The following NINJ2 variants were observed in gnomAD, a reference collection of about 807,000 sequenced individuals.
NINJ2 encodes ninjurin-2.
In NINJ2, 12 loss-of-function variants were observed where a neutral mutation model predicts 11.7. That is an observed-to-expected ratio of 1.02 (90% CI 0.66 to 1.66). The LOEUF (loss-of-function observed/expected upper bound fraction) is 1.66, where lower values mean the gene tolerates loss of function less well. NINJ2 is among the 40% of genes most tolerant of loss of function. NINJ2 has a pLI of 0.00. For synonymous variants in NINJ2, 93 were observed against 76.8 expected (o/e 1.21, Z -1.10); for missense variants, 187 against 181.8 (o/e 1.03, Z -0.16).
intron 1 of NINJ2, among the ~76,000 whole-genome samples, chr12:587,832 A>T (rs908670688): frequency 2.0e-5 from 3 of 152,154 alleles, no homozygotes; most frequent in Non-Finnish European, 4.4e-5. Context: ...TCTTCCTTCC[A>T]TTAAGCTGGT....
intron 1 of NINJ2, among the ~76,000 whole-genome samples, chr12:576,627 G>A (rs577858386): frequency 6.6e-6 from 1 of 152,166 alleles, no homozygotes; most frequent in Non-Finnish European, 1.5e-5. Context: ...CCAAAGTGCC[G>A]GGGCTGCAGG....
rs1011391505 is a variant in NINJ2 at position 640,926 on chromosome 12, C to G, written c.33+22402G>C. On this transcript the variant is annotated intron_variant, in intron 1 of 3. Transcript: ENST00000305108. This position sits in a 1 kb window ranked among gnomAD's most constrained non-coding sequence, Gnocchi z 4.0. ...CAATGTTACAGACCACTCCTAACTT[C>G]AGTCCCGGAAGAATGGAAGGAAGGC... The G allele has an allele frequency of 4.6e-5, 7 of 152,342 alleles. No individual in the cohort carries two copies. Among genetic ancestry groups the G allele is most frequent in the African/African-American group, 1.7e-4 (7 of 41,432 alleles). 9.4% of individuals were successfully genotyped at this position (152,342 alleles called of 1,614,324 possible). A position where few individuals can be genotyped will look rare whatever the true frequency, so the allele number is the denominator to read the frequency against.
intron 1 of NINJ2, among the ~76,000 whole-genome samples, chr12:574,115 G>A (rs1947417719): frequency 6.6e-6 from 1 of 151,970 alleles, no homozygotes; most frequent in Admixed American, 6.6e-5. Context: ...CAGCAACTTG[G>A]GAAGCTGAGG....
At chr12:613,836 T>C (rs927975629) in intron 1 of NINJ2, among the ~76,000 whole-genome samples, 8 of 152,020 alleles carry the variant, frequency 5.3e-5, no homozygotes, top group Non-Finnish European at 8.8e-5. Flanking sequence ...ACCCAGGAGA[T>C]GGAGCTTGCA....
intron 1 of NINJ2, among the ~76,000 whole-genome samples, chr12:608,819 G>A (rs1466119000): frequency 6.6e-6 from 1 of 152,246 alleles, no homozygotes; most frequent in Admixed American, 6.5e-5. Flanking sequence ...CACTGATGCT[G>A]ACTGAATGCA....
At position 585,585 on chromosome 12, in the gene NINJ2, C is replaced by T. The variant is rs1026278121; in HGVS notation, c.34-19407G>A. ...AGGGAAGGGAGGCTGAGCACAGGCA[C>T]GGTCACGCTGTGTTGCACCCTGGCC... is the stretch of plus-strand genomic sequence containing the variant. On this transcript the variant is annotated intron_variant, in intron 1 of 3. Coordinates refer to ENST00000305108, the MANE Select transcript of NINJ2 (RefSeq NM_016533.6). This position sits in a 1 kb window ranked among gnomAD's most constrained non-coding sequence, Gnocchi z 4.1. Among the ~76,000 whole-genome samples, 5 of 151,742 alleles carry T rather than the reference C, an allele frequency of 3.3e-5. No homozygotes were observed. Among genetic ancestry groups the T allele is most frequent in the African/African-American group, 1.2e-4 (5 of 41,092 alleles).
Position 662,041 on chromosome 12 carries a change from A to G in NINJ2, c.33+1287T>C, listed in dbSNP as rs1937964612. On this transcript the variant is annotated intron_variant, in intron 1 of 3. Transcript: ENST00000305108. ...TAGGTGGTGAGCAGTGCTATGAAAG[A>G]AATTAAACAAATGATAAAGACAAAT... 2.0e-5 allele frequency among the ~76,000 whole-genome samples: 3 copies of G among 152,246 alleles called. No individual in the cohort carries two copies. The South Asian group carries it at 6.2e-4, about 31-fold the overall frequency.
chr12:599,362 G>T (rs1947834576), intron 1 of NINJ2, among the ~76,000 whole-genome samples: 1 of 152,042 alleles, frequency 6.6e-6, no homozygotes, highest in Admixed American at 6.6e-5. Flanking sequence ...ACAAGACAGA[G>T]ACTTCATCTC....
rs1947297789 is a variant in NINJ2 at position 566,100 on chromosome 12, G to C, written c.112C>G (p.Leu38Val). ...TTGGACATGAACAGGGCCACGTCCA[G>C]CATGCTCTCCGCCACGCTCTTCTTG... ...ATKKSVAESM[L>V]DVALFMSNAM... Residue 38 changes from leucine to valine, a missense_variant, in exon 2 of 4, where the codon CTG becomes GTG. Transcript: ENST00000305108. The C allele has an allele frequency of 6.2e-7, 1 of 1,614,204 alleles. No individual in the cohort carries two copies. The highest frequency in any genetic ancestry group is 2.2e-5 in the East Asian group (1 of 44,890).
Position 581,378 on chromosome 12 carries a change from C to T in NINJ2, c.34-15200G>A, listed in dbSNP as rs980555959. 1.3e-5 allele frequency among the ~76,000 whole-genome samples: 2 copies of T among 152,070 alleles called. No individual in the cohort carries two copies. Among genetic ancestry groups the T allele is most frequent in the Admixed American group, 6.5e-5 (1 of 15,268 alleles). On this transcript the variant is annotated intron_variant, in intron 1 of 3. Coordinates refer to ENST00000305108, the MANE Select transcript of NINJ2 (RefSeq NM_016533.6). This position sits in a 1 kb window ranked among gnomAD's most constrained non-coding sequence, Gnocchi z 4.9. ...GAGCACTGAGTCTGGGGATCAAAGC[C>T]GCTCCTGATTGGTGGGCCAGCCTGA...
intron 1 of NINJ2, chr12:643,511 C>T (rs956777236): frequency 2.0e-6 from 2 of 988,166 alleles, no homozygotes; most frequent in Non-Finnish European, 1.2e-6. Flanking sequence ...GGAACTGTAC[C>T]TCATGTCCCC....
intron 1 of NINJ2, among the ~76,000 whole-genome samples, chr12:624,081 A>G (rs923729213): frequency 5.3e-5 from 8 of 152,180 alleles, no homozygotes; most frequent in Non-Finnish European, 1.0e-4. Context: ...AATGAAATTC[A>G]TTGCTATTAC....
Position 585,121 on chromosome 12 carries a change from TA to T in NINJ2, c.34-18944del, listed in dbSNP as rs1374409885. 6.6e-6 allele frequency among the ~76,000 whole-genome samples: 1 copy of T among 152,170 alleles called. No homozygotes were observed. The highest frequency in any genetic ancestry group is 1.5e-5 in the Non-Finnish European group (1 of 68,024). ...GAGACAGAGCGAGACTCCGTCTCAA[TA>T]AACACATAAATAAAAGCAAATCCTT... On this transcript the variant is annotated intron_variant, in intron 1 of 3. Coordinates refer to ENST00000305108, the MANE Select transcript of NINJ2 (RefSeq NM_016533.6). The surrounding 1 kb of genome is among the most constrained non-coding windows in gnomAD (Gnocchi z 4.1).
chr12:645,315 GGT>G (rs1240762211), intron 1 of NINJ2: 1 of 152,062 alleles, frequency 6.6e-6, no homozygotes, highest in Non-Finnish European at 1.5e-5. Flanking sequence ...ATTCCTTACT[GGT>G]AACACGAGCA....
intron 1 of NINJ2, among the ~76,000 whole-genome samples, chr12:595,275 CGT>C (rs1947769701): frequency 6.6e-6 from 1 of 152,096 alleles, no homozygotes; most frequent in African/African-American, 2.4e-5. Flanking sequence ...GATGATGTAA[CGT>C]AACATAGGAT....
intron 1 of NINJ2, among the ~76,000 whole-genome samples, chr12:613,336 G>A (rs375997027): frequency 9.8e-5 from 15 of 152,304 alleles, no homozygotes; most frequent in Middle Eastern, 3.4e-3. Context: ...GGCTGGGGGC[G>A]GTGGCTCATG....
At chr12:646,272 G>A (rs1342475459) in intron 1 of NINJ2, among the ~76,000 whole-genome samples, 5 of 152,150 alleles carry the variant, frequency 3.3e-5, no homozygotes, top group African/African-American at 4.8e-5. Flanking sequence ...GCAGTGAAGC[G>A]AAATCTCAGC....
chr12:600,288 T>A (rs1349134085), intron 1 of NINJ2, among the ~76,000 whole-genome samples: 1 of 152,136 alleles, frequency 6.6e-6, no homozygotes, highest in African/African-American at 2.4e-5. Flanking sequence ...GTGCGGTGGC[T>A]TAGGCCTGTA....
At chr12:627,910 G>A (rs1948227570) in intron 1 of NINJ2, among the ~76,000 whole-genome samples, 1 of 152,184 alleles carries the variant, frequency 6.6e-6, no homozygotes, top group African/African-American at 2.4e-5. Context: ...ACTCCAGCCT[G>A]AGCGATAGAG....
Sources: gnomAD v4.1 joint callset for allele counts (sites outside exome capture counted in the v4.1 genomes callset) on GRCh38, gnomAD v4.1.1 for gene constraint, Gnocchi (gnomAD v3.1) non-coding constraint, MANE v1.5 for transcripts, NCBI Gene and HGNC (gene_info 2026-07-23, HGNC 2026-07-21) for gene names.